ARHGEF7: variants seen among roughly 807,000 people sequenced by gnomAD.
ARHGEF7 encodes the protein PAK-interacting exchange factor beta.
ARHGEF7 carries 33 observed loss-of-function variants against 109.8 expected under a neutral mutation model. The observed-to-expected ratio is 0.30, with a 90% CI of 0.23 to 0.40. The LOEUF is 0.40. ARHGEF7 is among the 10% of genes least tolerant of loss of function. The pLI, the probability that ARHGEF7 is intolerant of heterozygous loss-of-function variation, is 1.00. For missense variants in ARHGEF7, 938 were observed against 1,098.5 expected (o/e 0.85, Z 2.07); for synonymous variants, 458 against 424.6 (o/e 1.08, Z -0.97).
chr13:111,138,688 A>G (rs1327987174), intron 1 of ARHGEF7, among the ~76,000 whole-genome samples: 1 of 152,174 alleles, frequency 6.6e-6, no homozygotes, highest in Non-Finnish European at 1.5e-5. Context: ...CCAAAGACAC[A>G]TTGCTCAATT....
intron 19 of ARHGEF7, chr13:111,295,053 C>A (rs2093396508): frequency 1.0e-6 from 1 of 985,436 alleles, no homozygotes; most frequent in Non-Finnish European, 1.2e-6. Context: ...TTGAAAAACT[C>A]AATTGGATGT....
At chr13:111,155,521 A>G (rs2076249746) in intron 2 of ARHGEF7, among the ~76,000 whole-genome samples, 1 of 152,232 alleles carries the variant, frequency 6.6e-6, no homozygotes, top group Non-Finnish European at 1.5e-5. Context: ...TCAAAGGGGA[A>G]AAAGACAGTG....
intron 2 of ARHGEF7, among the ~76,000 whole-genome samples, chr13:111,162,301 A>G (rs1014909966): frequency 6.6e-6 from 1 of 152,230 alleles, no homozygotes; most frequent in African/African-American, 2.4e-5. Flanking sequence ...TTGCAAACTA[A>G]AATAAATGTA....
intron 2 of ARHGEF7, among the ~76,000 whole-genome samples, chr13:111,173,205 C>A (rs925171005): frequency 6.6e-6 from 1 of 152,160 alleles, no homozygotes; most frequent in Non-Finnish European, 1.5e-5. Flanking sequence ...GAGCATGTTG[C>A]GTTTCTGGGC....
chr13:111,138,185 T>C (rs1463366230), intron 1 of ARHGEF7, among the ~76,000 whole-genome samples: 2 of 152,136 alleles, frequency 1.3e-5, no homozygotes, highest in Non-Finnish European at 2.9e-5. Flanking sequence ...TGGTAGCACA[T>C]GCCTGTAATC....
At chr13:111,124,721 CATA>C (rs1423442535) in intron 1 of ARHGEF7, among the ~76,000 whole-genome samples, 2 of 152,188 alleles carry the variant, frequency 1.3e-5, no homozygotes, top group East Asian at 3.8e-4. Flanking sequence ...TCCCTGCCTT[CATA>C]ATGGTGGCCT....
intron 1 of ARHGEF7, among the ~76,000 whole-genome samples, chr13:111,118,161 C>T (rs142279924): frequency 4.6e-5 from 7 of 152,366 alleles, no homozygotes; most frequent in African/African-American, 7.2e-5. Context: ...AGAACTAAAA[C>T]GTGGCTGGGT....
chr13:111,186,828 T>A, intron 2 of ARHGEF7: 3 of 985,398 alleles, frequency 3.0e-6, no homozygotes, highest in Non-Finnish European at 3.6e-6. Flanking sequence ...AGTCCCACAT[T>A]GCAGAGGCCT....
chr13:111,167,930 A>C (rs1341739485), intron 2 of ARHGEF7, among the ~76,000 whole-genome samples: 1 of 152,178 alleles, frequency 6.6e-6, no homozygotes, highest in African/African-American at 2.4e-5. Context: ...CACCAGAGCC[A>C]CCCCTTCCTC....
At chr13:111,174,318 T>A (rs1433646003) in intron 2 of ARHGEF7, among the ~76,000 whole-genome samples, 1 of 152,250 alleles carries the variant, frequency 6.6e-6, no homozygotes, top group African/African-American at 2.4e-5. Context: ...CAGACGGCAG[T>A]GCCTGTGGAA....
intron 2 of ARHGEF7, among the ~76,000 whole-genome samples, chr13:111,167,418 T>C (rs908087860): frequency 2.6e-5 from 4 of 152,166 alleles, no homozygotes; most frequent in African/African-American, 9.7e-5. Flanking sequence ...CAGCTGGTGT[T>C]TCTTCTTGGT....
intron 15 of ARHGEF7, among the ~76,000 whole-genome samples, chr13:111,281,354 A>G (rs2092771487): frequency 6.6e-6 from 1 of 152,110 alleles, no homozygotes; most frequent in African/African-American, 2.4e-5. Context: ...GCTTTTAAAG[A>G]ATGAATGACG....
At chr13:111,260,140 A>G (rs185967536) in intron 8 of ARHGEF7, among the ~76,000 whole-genome samples, 1 of 152,348 alleles carries the variant, frequency 6.6e-6, no homozygotes, top group Admixed American at 6.5e-5. Flanking sequence ...GGGCAAATCC[A>G]GGAGTTATTG....
chr13:111,132,044 G>T (rs773935702), intron 1 of ARHGEF7, among the ~76,000 whole-genome samples: 4 of 152,234 alleles, frequency 2.6e-5, no homozygotes, highest in African/African-American at 4.8e-5. Flanking sequence ...CTGAGCGGGA[G>T]ATTAGGGCAC....
intron 1 of ARHGEF7, among the ~76,000 whole-genome samples, chr13:111,132,490 AT>A (rs2074807144): frequency 6.6e-6 from 1 of 152,156 alleles, no homozygotes; most frequent in Non-Finnish European, 1.5e-5. Context: ...TCATTAAGGT[AT>A]TTTAGGGAAG....
intron 19 of ARHGEF7, among the ~76,000 whole-genome samples, chr13:111,299,507 T>G (rs1289638758): frequency 6.6e-6 from 1 of 151,986 alleles, no homozygotes; most frequent in African/African-American, 2.4e-5. Flanking sequence ...CACGCCCGGC[T>G]AATTTTTTGT....
intron 1 of ARHGEF7, among the ~76,000 whole-genome samples, chr13:111,121,462 G>A (rs964929276): frequency 6.6e-6 from 1 of 152,248 alleles, no homozygotes. Context: ...CCCTTTAGAG[G>A]CCACTGATCA....
intron 2 of ARHGEF7, among the ~76,000 whole-genome samples, chr13:111,154,345 A>G (rs1002126906): frequency 1.3e-5 from 2 of 152,206 alleles, no homozygotes; most frequent in Non-Finnish European, 2.9e-5. Flanking sequence ...CTGCCTCAGC[A>G]TGAACTCTGC....
chr13:111,129,355 A>G (rs913365270), intron 1 of ARHGEF7, among the ~76,000 whole-genome samples: 16 of 152,206 alleles, frequency 1.1e-4, no homozygotes, highest in Non-Finnish European at 2.9e-5. Flanking sequence ...AAAGAATTCC[A>G]TAAAAGAAAG....
Sources: gnomAD v4.1 joint callset for allele counts (sites outside exome capture counted in the v4.1 genomes callset) on GRCh38, gnomAD v4.1.1 for gene constraint, MANE v1.5 for transcripts, NCBI Gene and HGNC (gene_info 2026-07-23, HGNC 2026-07-21) for gene names.